Variants in TNIK observed in about 807,000 individuals in gnomAD.
TNIK encodes TRAF2 and NCK interacting kinase.
A neutral mutation model predicts 191.3 loss-of-function variants in TNIK; 49 were observed. The observed-to-expected ratio is 0.26, with a 90% CI of 0.20 to 0.32. The LOEUF (loss-of-function observed/expected upper bound fraction) is 0.32, where lower values mean the gene tolerates loss of function less well. Among genes scored for constraint, TNIK ranks in the 10% least tolerant of loss-of-function variants. TNIK has a pLI of 1.00. For synonymous variants in TNIK, 594 were observed against 600.9 expected (o/e 0.99, Z 0.17); for missense variants, 1,155 against 1,702.3 (o/e 0.68, Z 5.66).
intron 28 of TNIK, among the ~76,000 whole-genome samples, chr3:171,076,056 T>C (rs562227760): frequency 2.4e-4 from 36 of 152,156 alleles, no homozygotes; most frequent in African/African-American, 7.9e-4. Context: ...TTTTTATACT[T>C]ATCAATACAT....
intron 1 of TNIK, among the ~76,000 whole-genome samples, chr3:171,387,993 CG>C (rs1352206329): frequency 8.2e-6 from 1 of 121,418 alleles, no homozygotes; most frequent in African/African-American, 3.2e-5. Flanking sequence ...GGGGAGGGGA[CG>C]GGGGGGAGCA....
intron 21 of TNIK, among the ~76,000 whole-genome samples, chr3:171,103,227 G>A (rs1157520085): frequency 2.0e-5 from 3 of 151,954 alleles, no homozygotes; most frequent in African/African-American, 4.8e-5. Context: ...CCTCAATCTC[G>A]GTGAATGTAT....
At chr3:171,303,437 G>A (rs1031764618) in intron 2 of TNIK, among the ~76,000 whole-genome samples, 18 of 152,264 alleles carry the variant, frequency 1.2e-4, no homozygotes, top group African/African-American at 3.1e-4. Context: ...CAAAGTATCT[G>A]ACACTGGTGT....
In TNIK at chr3:171,188,714, T is replaced by G. The variant is rs1045094086; in HGVS notation, c.627A>C (p.Thr209=). The change falls in exon 7 of 33, where the codon ACA becomes ACC. Residue 209 remains threonine (T), a synonymous_variant. Transcript: ENST00000436636. ...AAAGAAGCCATACCTTGAAATCATA[T>G]GTGGCATCTGGGTTTTCATCACAGG... The part of the protein sequence containing the change: ...VIACDENPDA[T]YDFKSDLWSL... 1.2e-6 allele frequency: 2 copies of G among 1,613,466 alleles called. No homozygotes were observed.
intron 15 of TNIK, among the ~76,000 whole-genome samples, chr3:171,132,797 TATA>T (rs1729488121): frequency 6.6e-6 from 1 of 152,216 alleles, no homozygotes; most frequent in African/African-American, 2.4e-5. Context: ...AATAATATTT[TATA>T]ATATGTAGAG....
rs1716506965 is a variant in TNIK, at chr3:171,371,665, G to T, written c.58-1980C>A. Among the ~76,000 whole-genome samples, 3 of 152,224 alleles carry T rather than the reference G, an allele frequency of 2.0e-5. No homozygotes were observed. The South Asian group carries it at 6.2e-4, about 32-fold the overall frequency. On this transcript the variant is annotated intron_variant, in intron 1 of 32. Transcript: ENST00000436636. Reference sequence around the variant, plus strand: ...CCCCATAGTTAGAAGACACCATCAAGGCCACCTGGGAGGCCTCAGGATCGG... The same window carrying T: ...CCCCATAGTTAGAAGACACCATCAATGCCACCTGGGAGGCCTCAGGATCGG...
intron 2 of TNIK, among the ~76,000 whole-genome samples, chr3:171,352,769 C>T (rs1013428649): frequency 2.0e-5 from 3 of 152,162 alleles, no homozygotes; most frequent in Non-Finnish European, 4.4e-5. Context: ...TTCTTAAACT[C>T]CTGTTTATAC....
chr3:171,279,911 A>G (rs191418803), intron 2 of TNIK, among the ~76,000 whole-genome samples: 120 of 152,298 alleles, frequency 7.9e-4, no homozygotes, highest in African/African-American at 2.8e-3. Context: ...TTCAGAATCT[A>G]TCTTACTCCC....
chr3:171,357,761 T>C (rs749965041), intron 2 of TNIK, among the ~76,000 whole-genome samples: 17 of 152,070 alleles, frequency 1.1e-4, no homozygotes, highest in Admixed American at 2.6e-4. Flanking sequence ...AAGGATATAG[T>C]ATGGTTGCTA....
At chr3:171,300,059 T>C (rs1380256218) in intron 2 of TNIK, among the ~76,000 whole-genome samples, 1 of 152,226 alleles carries the variant, frequency 6.6e-6, no homozygotes, top group African/African-American at 2.4e-5. Context: ...ACATCAGGAA[T>C]TGTGTGAGAA....
At chr3:171,233,044 A>T (rs1560297145) in intron 2 of TNIK, among the ~76,000 whole-genome samples, 1 of 152,214 alleles carries the variant, frequency 6.6e-6, no homozygotes, top group Admixed American at 6.5e-5. Flanking sequence ...GGTCACCCAC[A>T]TACATTTATT....
intron 2 of TNIK, among the ~76,000 whole-genome samples, chr3:171,313,069 G>A (rs1030837213): frequency 9.9e-5 from 15 of 152,068 alleles, no homozygotes; most frequent in African/African-American, 3.6e-4. Context: ...CCGAGACAGT[G>A]TTTTGAAAAC....
intron 3 of TNIK, chr3:171,225,575 A>T (rs1248164226): frequency 4.4e-6 from 2 of 456,524 alleles, no homozygotes; most frequent in Middle Eastern, 3.2e-4. Flanking sequence ...CAGTCTCTCA[A>T]ATCATCTTCT....
intron 1 of TNIK, among the ~76,000 whole-genome samples, chr3:171,417,554 AT>A (rs1170501670): frequency 1.3e-5 from 2 of 152,210 alleles, no homozygotes; most frequent in African/African-American, 2.4e-5. Flanking sequence ...AAAGTTAAAA[AT>A]CATTTAACTT....
chr3:171,364,325 T>C (rs2108477670), intron 2 of TNIK, among the ~76,000 whole-genome samples: 1 of 151,922 alleles, frequency 6.6e-6, no homozygotes, highest in Admixed American at 6.6e-5. Context: ...AGACTACTGG[T>C]AATTCATTAA....
rs569001509 is a variant in TNIK, at chr3:171,338,978, GTAT to G, written c.123+30639_123+30641del. Among the ~76,000 whole-genome samples the G allele has an allele frequency of 1.4e-3, 207 of 152,276 alleles. 1 individual carries two copies. The highest frequency in any genetic ancestry group is 4.9e-3 in the African/African-American group (202 of 41,566). On this transcript the variant is annotated intron_variant, in intron 2 of 32. Coordinates refer to ENST00000436636, the MANE Select transcript of TNIK (RefSeq NM_015028.4). ...CATAATGACTATGCTACATCAATTA[GTAT>G]TATTTTCTGTCTCCCATGCCTTCCC...
In TNIK at chr3:171,092,280, T is replaced by A. The variant is rs556093098; in HGVS notation, c.2721+1559A>T. Among the ~76,000 whole-genome samples the A allele has an allele frequency of 2.1e-4, 32 of 152,244 alleles. 1 individual carries two copies. The South Asian group carries it at 6.6e-3, about 32-fold the overall frequency. ...CTGTTTTCAAAGTGACAGGTTGTGG[T>A]CATAGAATACTGGAGTGCTATAAAT... On this transcript the variant is annotated intron_variant, in intron 23 of 32. Transcript: ENST00000436636.
intron 2 of TNIK, among the ~76,000 whole-genome samples, chr3:171,250,256 G>T (rs1746078834): frequency 6.6e-6 from 1 of 152,148 alleles, no homozygotes; most frequent in South Asian, 2.1e-4. Flanking sequence ...TAATTTTCAT[G>T]GGACAGGCCT....
At chr3:171,255,906 A>G (rs1746794834) in intron 2 of TNIK, among the ~76,000 whole-genome samples, 1 of 152,094 alleles carries the variant, frequency 6.6e-6, no homozygotes, top group African/African-American at 2.4e-5. Context: ...TTGGATTTAT[A>G]TTGATTGTGG....
Sources: allele counts gnomAD v4.1 joint callset (sites outside exome capture counted in the v4.1 genomes callset), GRCh38; gene constraint gnomAD v4.1.1; transcripts MANE v1.5; gene names NCBI Gene and HGNC (gene_info 2026-07-23, HGNC 2026-07-21).